The following SLC27A5 variants were observed in gnomAD, a reference collection of about 807,000 sequenced individuals.
SLC27A5 encodes long-chain fatty acid transport protein 5.
SLC27A5 carries 47 observed loss-of-function variants against 63.1 expected under a neutral mutation model. That is an observed-to-expected ratio of 0.74 (90% CI 0.59 to 0.95). The LOEUF (loss-of-function observed/expected upper bound fraction) is 0.95, where lower values mean the gene tolerates loss of function less well. SLC27A5 is among the 40% of genes least tolerant of loss of function. The probability of loss-of-function intolerance (pLI) is 0.00; values close to 1 mark genes in which losing one functional copy is unlikely to be tolerated. For missense variants in SLC27A5, 940 were observed against 921.0 expected (o/e 1.02, Z -0.27); for synonymous variants, 391 against 403.8 (o/e 0.97, Z 0.38).
At chr19:58,510,988 C>T (rs546362688) in intron 1 of SLC27A5, 58 bp from the exon 2 acceptor site, 21 of 1,422,622 alleles carry the variant, frequency 1.5e-5, no homozygotes, top group Non-Finnish European at 1.9e-5. Context: ...GGTTGCGAGG[C>T]GGGATCTGAG....
At position 58,499,699 on chromosome 19, in the gene SLC27A5, G is replaced by C; in HGVS notation, c.1469-9C>G. On this transcript the variant is annotated splice_polypyrimidine_tract_variant and intron_variant, in intron 6 of 9. Transcript: ENST00000263093. ...CAGCAGCCCCGGCTCCCCTGGGGTA[G>C]GAGCAGGAACAAGAACCCCTGGAGC... The C allele has an allele frequency of 6.2e-7, 1 of 1,610,302 alleles. No individual in the cohort carries two copies. The highest frequency in any genetic ancestry group is 1.3e-5 in the African/African-American group (1 of 75,004).
intron 6 of SLC27A5, 112 bp from the exon 7 acceptor site, chr19:58,499,802 C>A: frequency 1.0e-6 from 1 of 979,818 alleles, no homozygotes; most frequent in Non-Finnish European, 1.5e-6. Flanking sequence ...AAGGACAGAC[C>A]CAAAGACACA....
chr19:58,511,839 A>C lies in SLC27A5; in HGVS notation c.117T>G (p.Asp39Glu). The C allele has an allele frequency of 6.4e-7, 1 of 1,558,806 alleles. No homozygotes were observed. Among genetic ancestry groups the C allele is most frequent in the Non-Finnish European group, 8.7e-7 (1 of 1,151,874 alleles). The change falls in exon 1 of 10, where the codon GAT becomes GAG. Residue 39 changes from aspartate (D) to glutamate (E), a missense_variant. By Grantham distance (45) the Asp-to-Glu change is conservative. Coordinates refer to ENST00000263093, the MANE Select transcript of SLC27A5 (RefSeq NM_012254.3). ...VALTLRWLLGDPTCCVLLGLA... is the reference protein window; with the variant it reads ...VALTLRWLLGEPTCCVLLGLA... ...GCCCAAGTAGCACGCAACATGTGGG[A>C]TCCCCCAGGAGCCAGCGCAGGGTCA...
intron 3 of SLC27A5, among the ~76,000 whole-genome samples, chr19:58,502,939 C>T (rs62117656): frequency 4.0e-5 from 6 of 151,742 alleles, no homozygotes; most frequent in Admixed American, 3.3e-4. Flanking sequence ...GGGTGAGGAT[C>T]GTCACGCCTG....
At chr19:58,504,574 G>T (rs1251218186) in intron 3 of SLC27A5, among the ~76,000 whole-genome samples, 3 of 2,384 alleles carry the variant, frequency 1.3e-3, no homozygotes, top group Non-Finnish European at 4.7e-3. Context: ...ATTGAACCCT[G>T]GGGGGGGGGG....
intron 3 of SLC27A5, chr19:58,507,800 A>G (rs982793016): frequency 3.9e-5 from 6 of 152,166 alleles, no homozygotes; most frequent in African/African-American, 1.4e-4. Flanking sequence ...TGTCTGTCCT[A>G]TGCAGTTGAG....
At chr19:58,504,895 A>G (rs1344761380) in intron 3 of SLC27A5, among the ~76,000 whole-genome samples, 1 of 149,852 alleles carries the variant, frequency 6.7e-6, no homozygotes, top group Non-Finnish European at 1.5e-5. Flanking sequence ...AGTCCCAGCT[A>G]CTCCGGAGAC....
intron 1 of SLC27A5, 125 bp downstream of exon 1, chr19:58,511,143 G>A: frequency 9.1e-7 from 1 of 1,101,506 alleles, no homozygotes; most frequent in Non-Finnish European, 1.3e-6. Flanking sequence ...CATAAGTCTT[G>A]ATTATAATTG....
chr19:58,499,282 C>T lies in SLC27A5; in HGVS notation c.1668-62G>A, dbSNP rs2053245307. On this transcript the variant is annotated intron_variant, in intron 7 of 9. Coordinates refer to ENST00000263093, the MANE Select transcript of SLC27A5 (RefSeq NM_012254.3). ...CGGGAAGGAGAGGCCCCGCCTCTTG[C>T]CCCCGCCCCGCCCCTTTTGGGGATC... 4 of 1,499,802 alleles carry T rather than the reference C, an allele frequency of 2.7e-6. No individual in the cohort carries two copies. The South Asian group carries it at 3.5e-5, about 13-fold the overall frequency. 92.9% of individuals were successfully genotyped at this position (1,499,802 alleles called of 1,614,324 possible).
chr19:58,503,228 G>A (rs1482085063), intron 3 of SLC27A5, among the ~76,000 whole-genome samples: 1 of 150,446 alleles, frequency 6.6e-6, no homozygotes, highest in African/African-American at 2.4e-5. Flanking sequence ...AAGAAAAAGA[G>A]AAAGATGGAT....
At position 58,511,502 on chromosome 19, in the gene SLC27A5, C is replaced by A; in HGVS notation, c.454G>T (p.Ala152Ser). 4 of 1,572,284 alleles carry A rather than the reference C, an allele frequency of 2.5e-6. No homozygotes were observed. The highest frequency in any genetic ancestry group is 3.5e-6 in the Non-Finnish European group (4 of 1,158,812). The change falls in exon 1 of 10, where the codon GCC (alanine) becomes TCC (serine). Residue 152 changes from alanine to serine, a missense_variant. Transcript: ENST00000263093. ...TTCAGGGCCCATGCCGCCTGGCAGG[C>A]CCGGGCATCCAGCTCACCAAAGGTG... The part of the protein sequence containing the change: ...SVTFGELDAR[A>S]CQAAWALKAE...
Position 58,499,151 on chromosome 19 carries a change from C to T in SLC27A5, c.1737G>A (p.Gln579=). 2.5e-6 allele frequency: 4 copies of T among 1,614,102 alleles called. No homozygotes were observed. Among genetic ancestry groups the T allele is most frequent in the Non-Finnish European group, 2.5e-6 (3 of 1,180,048 alleles). The part of the protein sequence containing the change: ...GVLSQVDFLQ[Q]VNVYGVCVPG... ...GCACGCACACGCCATACACGTTAAC[C>T]TGTTGCAAGAAGTCCACCTGCGACA... is the stretch of plus-strand genomic sequence containing the variant. The change falls in exon 8 of 10, where the codon CAG becomes CAA. Residue 579 remains glutamine (Q), a synonymous_variant. Transcript: ENST00000263093.
chr19:58,499,122 C>A lies in SLC27A5; in HGVS notation c.1765+1G>T. On this transcript the variant is annotated splice_donor_variant, in intron 8 of 9. Transcript: ENST00000263093. LOFTEE classifies it high-confidence loss of function. Reference sequence around the variant, plus strand: ...AAGTTTAAAATGAGAACCCTCCGCACCTGGCACGCACACGCCATACACGTT... The same window carrying A: ...AAGTTTAAAATGAGAACCCTCCGCAACTGGCACGCACACGCCATACACGTT... 6.2e-7 allele frequency: 1 copy of A among 1,613,998 alleles called. No homozygotes were observed. The highest frequency in any genetic ancestry group is 2.2e-5 in the East Asian group (1 of 44,886).
chr19:58,504,975 C>A (rs1216051233), intron 3 of SLC27A5, among the ~76,000 whole-genome samples: 4 of 150,660 alleles, frequency 2.7e-5, no homozygotes. Flanking sequence ...CACTGCACTC[C>A]AGCCTGGGCG....
chr19:58,511,323 C>T lies in SLC27A5; in HGVS notation c.633G>A (p.Met211Ile), dbSNP rs2053408040. The change falls in exon 1 of 10, where the codon ATG (methionine) becomes ATA (isoleucine). Residue 211 changes from methionine (M) to isoleucine (I), a missense_variant. Met to Ile is a conservative substitution (Grantham distance 10). Transcript: ENST00000263093. ...TAWINPHGRGMPLAHSVLSSG... is the reference protein window; with the variant it reads ...TAWINPHGRGIPLAHSVLSSG... ...AGCTCAGCACAGAGTGCGCCAGGGG[C>T]ATCCCCCGGCCATGCGGGTTGATCC... The T allele has an allele frequency of 1.3e-6, 2 of 1,591,798 alleles. No individual in the cohort carries two copies. Among genetic ancestry groups the T allele is most frequent in the South Asian group, 2.2e-5 (2 of 89,602 alleles).
chr19:58,499,452 G>A, intron 7 of SLC27A5, 40 bp downstream of exon 7: 1 of 1,600,852 alleles, frequency 6.2e-7, no homozygotes, highest in Non-Finnish European at 8.5e-7. Flanking sequence ...AGCGTCCGTG[G>A]CCCCGCGCCA....
At chr19:58,509,793 G>T in intron 3 of SLC27A5, 54 bp downstream of exon 3, 1 of 1,525,874 alleles carries the variant, frequency 6.6e-7, no homozygotes, top group South Asian at 1.2e-5. Context: ...GCCCCACGCC[G>T]ACACTTACTC....
chr19:58,500,453 A>C, intron 5 of SLC27A5, 24 bp from the exon 6 acceptor site: 1 of 1,613,768 alleles, frequency 6.2e-7, no homozygotes, highest in Non-Finnish European at 8.5e-7. Context: ...TGGAGTGTTG[A>C]CATAGGTCCT....
intron 3 of SLC27A5, among the ~76,000 whole-genome samples, chr19:58,505,839 A>AC (rs1464890917): frequency 1.1e-5 from 1 of 92,458 alleles, no homozygotes; most frequent in African/African-American, 4.3e-5. Flanking sequence ...CAATAGTGAA[A>AC]CCCCGACTCA....
Sources: allele counts gnomAD v4.1 joint callset (sites outside exome capture counted in the v4.1 genomes callset), GRCh38; gene constraint gnomAD v4.1.1; transcripts MANE v1.5; gene names NCBI Gene and HGNC (gene_info 2026-07-23, HGNC 2026-07-21).